GRIN2A: variants seen among roughly 807,000 people sequenced by gnomAD.
GRIN2A encodes the protein glutamate ionotropic receptor NMDA type subunit 2A.
In GRIN2A, 22 loss-of-function variants were observed where a neutral mutation model predicts 113.4. The ratio of observed to expected loss-of-function variants is 0.19; its 90% CI spans 0.14 to 0.28. GRIN2A has a LOEUF of 0.28. Ranked by LOEUF, GRIN2A falls within the 10% of genes least tolerant of loss-of-function variation. The pLI, the probability that GRIN2A is intolerant of heterozygous loss-of-function variation, is 1.00. For synonymous variants in GRIN2A, 827 were observed against 738.4 expected (o/e 1.12, Z -1.94); for missense variants, 1,502 against 1,887.0 (o/e 0.80, Z 3.78).
intron 2 of GRIN2A, among the ~76,000 whole-genome samples, chr16:9,946,290 G>A (rs2045016408): frequency 6.6e-6 from 1 of 152,136 alleles, no homozygotes; most frequent in Admixed American, 6.5e-5. Context: ...ATTGTCTGGG[G>A]CTAGGTCCAG....
chr16:9,971,387 T>G (rs2045666496), intron 2 of GRIN2A, among the ~76,000 whole-genome samples: 1 of 152,202 alleles, frequency 6.6e-6, no homozygotes, highest in Non-Finnish European at 1.5e-5. Flanking sequence ...AATAGCCAGC[T>G]CCATCCACTT....
Position 9,756,051 on chromosome 16 carries a change from A to G in GRIN2A, c.*7098T>C, listed in dbSNP as rs1341646743. 1 of 223,200 alleles carries G rather than the reference A, an allele frequency of 4.5e-6. No homozygotes were observed. Among genetic ancestry groups the G allele is most frequent in the East Asian group, 6.5e-5 (1 of 15,502 alleles). 13.8% of individuals were successfully genotyped at this position (223,200 alleles called of 1,614,324 possible). The stretch of plus-strand genomic sequence containing the variant: ...TAGACATGAAATAGGAGGAATAGTC[A>G]ACTTGCAAATAATATCACCTCTTTG... On this transcript the variant is annotated 3_prime_UTR_variant, in exon 13 of 13. Transcript: ENST00000330684.
chr16:9,967,425 G>A (rs928523872), intron 2 of GRIN2A, among the ~76,000 whole-genome samples: 1 of 152,146 alleles, frequency 6.6e-6, no homozygotes, highest in African/African-American at 2.4e-5. Context: ...GATACAATGG[G>A]CCGGGCACAG....
intron 3 of GRIN2A, among the ~76,000 whole-genome samples, chr16:9,901,585 G>C (rs1303218675): frequency 1.3e-5 from 2 of 152,004 alleles, no homozygotes; most frequent in African/African-American, 2.4e-5. Flanking sequence ...TCAGCCTCCC[G>C]AGTAGCTGAG....
intron 4 of GRIN2A, among the ~76,000 whole-genome samples, chr16:9,889,712 C>T (rs752007386): frequency 1.3e-5 from 2 of 152,072 alleles, no homozygotes; most frequent in Non-Finnish European, 2.9e-5. Flanking sequence ...CTTCTTTGAC[C>T]TATAGGTTTA....
chr16:10,171,143 C>T (rs1053738352), intron 2 of GRIN2A, among the ~76,000 whole-genome samples: 22 of 152,232 alleles, frequency 1.4e-4, no homozygotes, highest in Admixed American at 9.8e-4. Context: ...CAAATGTATT[C>T]GTAGTCATTA....
intron 2 of GRIN2A, among the ~76,000 whole-genome samples, chr16:9,953,529 T>C (rs1037971967): frequency 1.3e-5 from 2 of 151,964 alleles, no homozygotes; most frequent in African/African-American, 2.4e-5. Flanking sequence ...GATAGGCAGG[T>C]CTGAAGATGA....
chr16:10,077,004 C>T (rs2047885632), intron 2 of GRIN2A, among the ~76,000 whole-genome samples: 1 of 152,206 alleles, frequency 6.6e-6, no homozygotes, highest in Non-Finnish European at 1.5e-5. Flanking sequence ...ACCAGGGTCA[C>T]AAGTGCAGAA....
At chr16:9,890,520 T>G (rs548973765) in intron 4 of GRIN2A, among the ~76,000 whole-genome samples, 1 of 152,342 alleles carries the variant, frequency 6.6e-6, no homozygotes, top group African/African-American at 2.4e-5. Flanking sequence ...TAACTCATGA[T>G]TTACAGAAGT....
intron 3 of GRIN2A, among the ~76,000 whole-genome samples, chr16:9,922,260 T>A (rs2044371411): frequency 6.6e-6 from 1 of 151,598 alleles, no homozygotes; most frequent in Non-Finnish European, 1.5e-5. Context: ...TGCTCTGACA[T>A]CATGAAATAC....
chr16:10,024,823 G>A (rs1466990231), intron 2 of GRIN2A, among the ~76,000 whole-genome samples: 1 of 152,168 alleles, frequency 6.6e-6, no homozygotes, highest in Non-Finnish European at 1.5e-5. Context: ...AGAGCTGTTG[G>A]ATGGCATGAG....
intron 2 of GRIN2A, among the ~76,000 whole-genome samples, chr16:10,126,257 G>C (rs566993849): frequency 1.5e-4 from 22 of 151,724 alleles, no homozygotes; most frequent in Admixed American, 1.4e-3. Flanking sequence ...CAAATTCCTA[G>C]GCTCAAGTGA....
intron 4 of GRIN2A, among the ~76,000 whole-genome samples, chr16:9,870,869 C>T (rs898235770): frequency 6.6e-6 from 1 of 152,110 alleles, no homozygotes; most frequent in African/African-American, 2.4e-5. Flanking sequence ...AACTCCTGAG[C>T]TCAGGCAATT....
intron 2 of GRIN2A, among the ~76,000 whole-genome samples, chr16:10,060,806 C>G (rs776598838): frequency 6.6e-6 from 1 of 152,144 alleles, no homozygotes; most frequent in Non-Finnish European, 1.5e-5. Context: ...TTCCTCTTTA[C>G]GAGTGCAAGC....
At chr16:10,111,730 G>T in intron 2 of GRIN2A, 1 of 1,536,196 alleles carries the variant, frequency 6.5e-7, no homozygotes, top group South Asian at 1.1e-5. Flanking sequence ...CTTCATCACG[G>T]ACCCCGTGGT....
In GRIN2A at chr16:10,138,737, G is replaced by C. The variant is rs887139882; in HGVS notation, c.414+41261C>G. Among the ~76,000 whole-genome samples the C allele has an allele frequency of 4.6e-5, 7 of 152,146 alleles. No homozygotes were observed. The East Asian group carries it at 1.3e-3, about 29-fold the overall frequency. Reference sequence around the variant, plus strand: ...ATAGTGCCAGCATCCCAGACTTACTGTGAGGATTAAATGAGATATTTAAAG... The same window carrying C: ...ATAGTGCCAGCATCCCAGACTTACTCTGAGGATTAAATGAGATATTTAAAG... On this transcript the variant is annotated intron_variant, in intron 2 of 12. Transcript: ENST00000330684.
At chr16:10,049,272 T>TAA (rs1291722008) in intron 2 of GRIN2A, among the ~76,000 whole-genome samples, 3,612 of 152,286 alleles carry the variant, frequency 0.024, 159 homozygotes, top group African/African-American at 0.083. Flanking sequence ...ATTTAAATGC[T>TAA]CTGTGTTTAC....
In GRIN2A at chr16:9,888,962, T is replaced by C. The variant is rs111468071; in HGVS notation, c.1122+2024A>G. Among the ~76,000 whole-genome samples, 7 of 152,262 alleles carry C rather than the reference T, an allele frequency of 4.6e-5. No individual in the cohort carries two copies. The East Asian group carries it at 5.8e-4, about 13-fold the overall frequency. On this transcript the variant is annotated intron_variant, in intron 4 of 12. Coordinates refer to ENST00000330684, the MANE Select transcript of GRIN2A (RefSeq NM_001134407.3). ...TCAGATAGCCCCCACTTATCCATGA[T>C]GTATTATCCTTTTTAAAATATATTA... is the stretch of plus-strand genomic sequence containing the variant.
intron 2 of GRIN2A, among the ~76,000 whole-genome samples, chr16:10,170,283 T>C (rs1198390316): frequency 1.3e-5 from 2 of 152,178 alleles, no homozygotes; most frequent in Admixed American, 6.5e-5. Context: ...ACTAAGTGAG[T>C]TGCAAAGTCT....
Sources: allele counts gnomAD v4.1 joint callset (sites outside exome capture counted in the v4.1 genomes callset), GRCh38; gene constraint gnomAD v4.1.1; transcripts MANE v1.5; gene names NCBI Gene and HGNC (gene_info 2026-07-23, HGNC 2026-07-21).